Variants in ETV6 observed in about 807,000 individuals in gnomAD.
ETV6 encodes ETS variant transcription factor 6.
Under a neutral mutation model 51.1 loss-of-function variants are expected in ETV6, and 16 were observed. That is an observed-to-expected ratio of 0.31 (90% CI 0.21 to 0.48). The LOEUF is 0.48. Ranked by LOEUF, ETV6 falls within the 20% of genes least tolerant of loss-of-function variation. The probability of loss-of-function intolerance (pLI) is 0.99; values close to 1 mark genes in which losing one functional copy is unlikely to be tolerated. For missense variants in ETV6, 458 were observed against 594.8 expected, an observed-to-expected ratio of 0.77 and a Z score of 2.39; for synonymous variants, 240 against 224.1, an observed-to-expected ratio of 1.07 and a Z score of -0.64.
rs1383103266 is a variant in ETV6, at chr12:11,833,908, T to TA, written c.164-5225dup. Reference sequence around the variant, plus strand: ...CTGTGTGCTACAGTTTTCTCATCTGTAAAAAAAGAATAATAATCATTGCAG... The same window carrying TA: ...CTGTGTGCTACAGTTTTCTCATCTGTAAAAAAAAGAATAATAATCATTGCAG... On this transcript the variant is annotated intron_variant, in intron 2 of 7. Coordinates refer to ENST00000396373, the MANE Select transcript of ETV6 (RefSeq NM_001987.5). 2.0e-5 allele frequency among the ~76,000 whole-genome samples: 3 copies of TA among 152,226 alleles called. No homozygotes were observed. The East Asian group carries it at 5.8e-4, about 29-fold the overall frequency.
At chr12:11,847,170 G>A (rs1375769961) in intron 3 of ETV6, among the ~76,000 whole-genome samples, 1 of 152,192 alleles carries the variant, frequency 6.6e-6, no homozygotes, top group East Asian at 1.9e-4. Context: ...GAGTCTGCAG[G>A]TCTTGGTGAC....
intron 2 of ETV6, chr12:11,826,589 C>T (rs1266349756): frequency 1.3e-5 from 2 of 152,208 alleles, no homozygotes; most frequent in Non-Finnish European, 2.9e-5. Flanking sequence ...ATCTGACTAC[C>T]CACCAAAGCT....
intron 1 of ETV6, among the ~76,000 whole-genome samples, chr12:11,650,529 C>T (rs1298335822): frequency 1.4e-5 from 2 of 139,878 alleles, no homozygotes; most frequent in Non-Finnish European, 3.1e-5. Flanking sequence ...GCTCCCTATT[C>T]CTACACCCAA....
intron 1 of ETV6, among the ~76,000 whole-genome samples, chr12:11,730,532 G>A (rs967690255): frequency 3.3e-5 from 5 of 152,220 alleles, no homozygotes; most frequent in African/African-American, 1.2e-4. Context: ...GGGTTGTCCA[G>A]CGCAGCCCAG....
In ETV6 at chr12:11,853,537, A is replaced by G. The variant is rs762610106; in HGVS notation, c.439A>G (p.Ile147Val). 6.2e-7 allele frequency: 1 copy of G among 1,614,132 alleles called. No homozygotes were observed. ...CTCTATACACACACAGCCGGAGGTC[A>G]TACTGCATCAGAACCATGAAGAAGG... ...GNSIHTQPEV[I>V]LHQNHEEDNC... Residue 147 changes from isoleucine (I) to valine (V), a missense_variant, in exon 4 of 8, where the codon ATA becomes GTA. By Grantham distance (29) the Ile-to-Val change is conservative. Around this residue, in one of 4 missense-constraint regions of ETV6, gnomAD observed 293 missense variants for 315.7 expected, o/e 0.93. Transcript: ENST00000396373.
At chr12:11,668,574 C>T (rs762127413) in intron 1 of ETV6, among the ~76,000 whole-genome samples, 12 of 152,268 alleles carry the variant, frequency 7.9e-5, no homozygotes, top group Admixed American at 3.3e-4. Context: ...ACAGCACAGA[C>T]GCCAAGGGTC....
chr12:11,765,271 T>A (rs760612296), intron 2 of ETV6, among the ~76,000 whole-genome samples: 3 of 152,176 alleles, frequency 2.0e-5, no homozygotes, highest in Non-Finnish European at 4.4e-5. Flanking sequence ...ACATACATAG[T>A]GTAATAAGAT....
intron 1 of ETV6, among the ~76,000 whole-genome samples, chr12:11,736,796 A>G (rs1313618016): frequency 6.6e-6 from 1 of 152,236 alleles, no homozygotes; most frequent in Admixed American, 6.5e-5. Context: ...TTAGACTTCA[A>G]ACTTCATCAG....
intron 4 of ETV6, among the ~76,000 whole-genome samples, chr12:11,860,571 A>G (rs1027730490): frequency 2.6e-5 from 4 of 151,950 alleles, no homozygotes; most frequent in African/African-American, 9.7e-5. Context: ...TCTCAAAAAA[A>G]AAAACAAAAC....
At chr12:11,670,798 A>C (rs1178346621) in intron 1 of ETV6, among the ~76,000 whole-genome samples, 2 of 152,250 alleles carry the variant, frequency 1.3e-5, no homozygotes, top group Admixed American at 1.3e-4. Flanking sequence ...TGGGTAGATG[A>C]AATATTATTC....
intron 2 of ETV6, among the ~76,000 whole-genome samples, chr12:11,788,119 A>T (rs1345342986): frequency 6.6e-6 from 1 of 152,234 alleles, no homozygotes; most frequent in African/African-American, 2.4e-5. Flanking sequence ...ATTAAGCCTA[A>T]GAATAAATTG....
chr12:11,861,172 G>C (rs1340514164), intron 4 of ETV6, among the ~76,000 whole-genome samples: 1 of 152,036 alleles, frequency 6.6e-6, no homozygotes, highest in African/African-American at 2.4e-5. Context: ...TTCTGTTCTG[G>C]GATTCTTGAA....
intron 3 of ETV6, among the ~76,000 whole-genome samples, chr12:11,852,763 A>G (rs929687889): frequency 1.3e-5 from 2 of 152,246 alleles, no homozygotes; most frequent in Non-Finnish European, 2.9e-5. Context: ...GAGGGAAAAG[A>G]GGATACTCAA....
Position 11,710,860 on chromosome 12 carries a change from G to C in ETV6, c.34-41590G>C, listed in dbSNP as rs113161199. Among the ~76,000 whole-genome samples, 115 of 152,254 alleles carry C rather than the reference G, an allele frequency of 7.6e-4. 1 individual carries two copies. The highest frequency in any genetic ancestry group is 2.7e-3 in the African/African-American group (113 of 41,552). On this transcript the variant is annotated intron_variant, in intron 1 of 7. Transcript: ENST00000396373. ...TCTAGGACATGATGGTTAGTGTAGG[G>C]TCATGAGTCTGCTCTCTGGTCATGT...
intron 7 of ETV6, among the ~76,000 whole-genome samples, chr12:11,889,621 A>T (rs1051197327): frequency 6.6e-6 from 1 of 152,210 alleles, no homozygotes; most frequent in Admixed American, 6.5e-5. Flanking sequence ...GCTCCAGATA[A>T]GGGAAAAGCT....
At chr12:11,764,898 T>A (rs1945142184) in intron 2 of ETV6, among the ~76,000 whole-genome samples, 1 of 152,050 alleles carries the variant, frequency 6.6e-6, no homozygotes, top group Non-Finnish European at 1.5e-5. Flanking sequence ...TGATGAAGAG[T>A]CAAACTTAAA....
At chr12:11,790,695 T>C (rs1425743611) in intron 2 of ETV6, among the ~76,000 whole-genome samples, 1 of 151,218 alleles carries the variant, frequency 6.6e-6, no homozygotes, top group East Asian at 1.9e-4. Context: ...TTTTTTTTTT[T>C]TTTTGAGACA....
intron 1 of ETV6, among the ~76,000 whole-genome samples, chr12:11,702,712 G>T (rs1164791650): frequency 6.6e-6 from 1 of 152,128 alleles, no homozygotes; most frequent in Non-Finnish European, 1.5e-5. Context: ...CTTCATGAAG[G>T]GCTTACCAGG....
chr12:11,827,652 A>C (rs900964236), intron 2 of ETV6, among the ~76,000 whole-genome samples: 1 of 152,124 alleles, frequency 6.6e-6, no homozygotes, highest in African/African-American at 2.4e-5. Flanking sequence ...TCGCAGGAGA[A>C]TAGAGACACC....
Sources: gnomAD v4.1 joint callset for allele counts (sites outside exome capture counted in the v4.1 genomes callset) on GRCh38, gnomAD v4.1.1 for gene constraint, gnomAD v4.1.1 regional missense constraint, MANE v1.5 for transcripts, NCBI Gene and HGNC (gene_info 2026-07-23, HGNC 2026-07-21) for gene names.